Variants in FAM76A observed in about 807,000 individuals in gnomAD.
FAM76A encodes the protein family with sequence similarity 76 member A.
FAM76A carries 32 observed loss-of-function variants against 46.2 expected under a neutral mutation model. The observed-to-expected ratio is 0.69, with a 90% CI of 0.52 to 0.93. The LOEUF is 0.93. Among genes scored for constraint, FAM76A ranks in the 40% least tolerant of loss-of-function variants. The pLI is 0.00. For synonymous variants in FAM76A, 137 were observed against 127.0 expected, an observed-to-expected ratio of 1.08 and a Z score of -0.53; for missense variants, 274 against 361.5, an observed-to-expected ratio of 0.76 and a Z score of 1.96.
At position 27,726,115 on chromosome 1, in the gene FAM76A, AGCGCTTCCCCTTCGAG is replaced by A; in HGVS notation, c.41_56del (p.Phe14CysfsTer18). On this transcript the variant is annotated frameshift_variant, in exon 1 of 9. Coordinates refer to ENST00000373954, the MANE Select transcript of FAM76A (RefSeq NM_152660.3). LOFTEE classifies it high-confidence loss of function. ...CTCTACGCCTGCACCAAGTGCCACCAGCGCTTCCCCTTCGAGGCGCTGTCTCAGGGGCAGCAGCTGT... is the reference window on the plus strand; with the variant it reads ...CTCTACGCCTGCACCAAGTGCCACCAGCGCTGTCTCAGGGGCAGCAGCTGT... 1.5e-6 allele frequency: 2 copies of A among 1,294,136 alleles called. No homozygotes were observed. Among genetic ancestry groups the A allele is most frequent in the Non-Finnish European group, 2.0e-6 (2 of 1,016,728 alleles). 80.2% of individuals were successfully genotyped at this position (1,294,136 alleles called of 1,614,324 possible). A position where few individuals can be genotyped will look rare whatever the true frequency, so the allele number is the denominator to read the frequency against.
At chr1:27,734,903 G>A (rs941264555) in intron 4 of FAM76A, among the ~76,000 whole-genome samples, 1 of 152,218 alleles carries the variant, frequency 6.6e-6, no homozygotes, top group African/African-American at 2.4e-5. Flanking sequence ...AGCTCTATGT[G>A]GAAGGGTGTA....
chr1:27,759,402 T>A (rs2088466208), intron 7 of FAM76A, 124 bp from the exon 8 acceptor site: 5 of 566,060 alleles, frequency 8.8e-6, no homozygotes. Flanking sequence ...TGGTTTTGAT[T>A]TAGATACGGA....
At chr1:27,744,900 C>A in intron 5 of FAM76A, 89 bp downstream of exon 5, 3 of 1,271,040 alleles carry the variant, frequency 2.4e-6, no homozygotes, top group Non-Finnish European at 3.3e-6. Context: ...ACTACCATCT[C>A]ATATACATTT....
chr1:27,726,949 GTC>G (rs2087871584), intron 1 of FAM76A, among the ~76,000 whole-genome samples: 1 of 152,196 alleles, frequency 6.6e-6, no homozygotes, highest in East Asian at 1.9e-4. Flanking sequence ...TCCAGTTTGT[GTC>G]TCTGATTTGG....
intron 4 of FAM76A, among the ~76,000 whole-genome samples, chr1:27,736,158 A>T (rs1428880617): frequency 6.6e-6 from 1 of 152,098 alleles, no homozygotes; most frequent in Non-Finnish European, 1.5e-5. Flanking sequence ...CGTCTCTACC[A>T]AAAATATAAA....
At chr1:27,737,169 G>T (rs1033296736) in intron 4 of FAM76A, among the ~76,000 whole-genome samples, 1 of 151,790 alleles carries the variant, frequency 6.6e-6, no homozygotes, top group Non-Finnish European at 1.5e-5. Context: ...GGCTGCTCTC[G>T]AATTGCTGAT....
intron 8 of FAM76A, 139 bp downstream of exon 8, chr1:27,759,766 GTT>G (rs374632191): frequency 2.0e-4 from 96 of 484,564 alleles, no homozygotes; most frequent in East Asian, 4.1e-4. Context: ...CCCCTTTTAG[GTT>G]TTTTTTTTTT....
intron 5 of FAM76A, among the ~76,000 whole-genome samples, chr1:27,745,758 A>G (rs2088231629): frequency 6.6e-6 from 1 of 152,202 alleles, no homozygotes; most frequent in Non-Finnish European, 1.5e-5. Context: ...GACGAGTTGG[A>G]ATCCTCAGGG....
rs1445289609 is a variant in FAM76A, at chr1:27,732,789, T to C, written c.201+132T>C. The C allele has an allele frequency of 8.9e-6, 5 of 562,948 alleles. No homozygotes were observed. In the East Asian group the frequency reaches 1.5e-4, roughly 17 times the overall value. The allele number at this position is 562,948 out of a possible 1,614,324, so 34.9% of individuals were successfully genotyped here. ...TATGTGTAATATATCTGATACTGAT[T>C]TCAGCTTTCACATTTAGCTAATGCT... On this transcript the variant is annotated intron_variant, in intron 3 of 8. Transcript: ENST00000373954.
intron 6 of FAM76A, among the ~76,000 whole-genome samples, chr1:27,754,232 A>G (rs1456004641): frequency 6.7e-6 from 1 of 149,598 alleles, no homozygotes; most frequent in Non-Finnish European, 1.5e-5. Context: ...TCAGCCTCCC[A>G]AGTAGCTGGG....
intron 5 of FAM76A, among the ~76,000 whole-genome samples, chr1:27,746,907 T>A (rs1299328669): frequency 6.6e-6 from 1 of 151,848 alleles, no homozygotes; most frequent in African/African-American, 2.4e-5. Flanking sequence ...TGAGACCCCA[T>A]CTCTACAAAA....
chr1:27,748,502 C>T (rs1399862921), intron 5 of FAM76A, among the ~76,000 whole-genome samples: 1 of 131,212 alleles, frequency 7.6e-6, no homozygotes, highest in East Asian at 2.5e-4. Flanking sequence ...GGCGGAGTCT[C>T]GCCAGGCTGG....
chr1:27,729,936 C>T (rs1457202042), intron 2 of FAM76A, among the ~76,000 whole-genome samples: 3 of 152,300 alleles, frequency 2.0e-5, no homozygotes, highest in Admixed American at 6.5e-5. Context: ...CCCTTGCTTC[C>T]TCCAGGCAAC....
intron 8 of FAM76A, 139 bp downstream of exon 8, chr1:27,759,766 G>GTTTTTTTTTTT (rs374632191): frequency 5.6e-5 from 27 of 485,576 alleles, no homozygotes; most frequent in African/African-American, 2.3e-4. Context: ...CCCCTTTTAG[G>GTTTTTTTTTTT]TTTTTTTTTT....
intron 1 of FAM76A, among the ~76,000 whole-genome samples, 188 bp from the exon 2 acceptor site, chr1:27,727,284 C>T (rs1424374578): frequency 1.3e-5 from 2 of 152,104 alleles, no homozygotes; most frequent in East Asian, 1.9e-4. Flanking sequence ...TAAGTTCTTA[C>T]TTAACTCCCA....
intron 4 of FAM76A, chr1:27,739,455 A>G (rs2088112754): frequency 4.1e-5 from 19 of 463,854 alleles, no homozygotes; most frequent in South Asian, 3.0e-4. Context: ...GATGATGGCA[A>G]TTATGTCTCG....
At chr1:27,738,446 C>T (rs2088093427) in intron 4 of FAM76A, among the ~76,000 whole-genome samples, 1 of 151,662 alleles carries the variant, frequency 6.6e-6, no homozygotes. Flanking sequence ...CCCTGCACTC[C>T]AGCCTGGGTG....
chr1:27,752,343 C>A (rs1474574), intron 6 of FAM76A, among the ~76,000 whole-genome samples: 26,308 of 152,080 alleles, frequency 0.17, 6,007 homozygotes, highest in African/African-American at 0.52. Context: ...TATCCTACAA[C>A]ATCCACAGTC....
chr1:27,761,306 ATCTTT>A lies in FAM76A; in HGVS notation c.*731_*735del, dbSNP rs2088507101. 1 of 152,588 alleles carries A rather than the reference ATCTTT, an allele frequency of 6.6e-6. No individual in the cohort carries two copies. The highest frequency in any genetic ancestry group is 2.4e-5 in the African/African-American group (1 of 41,442). 9.5% of individuals were successfully genotyped at this position (152,588 alleles called of 1,614,324 possible). On this transcript the variant is annotated 3_prime_UTR_variant, in exon 9 of 9. Transcript: ENST00000373954. ...CACTAGCTTTTAGTAAAAGAATCAG[ATCTTT>A]TCTTTCTTGTTACCTTGGAGTCTTA...
Sources: allele counts gnomAD v4.1 joint callset (sites outside exome capture counted in the v4.1 genomes callset), GRCh38; gene constraint gnomAD v4.1.1; transcripts MANE v1.5; gene names NCBI Gene and HGNC (gene_info 2026-07-23, HGNC 2026-07-21).